Variants in IDNK observed in about 807,000 individuals in gnomAD.
IDNK encodes gluconokinase.
In IDNK, 9 loss-of-function variants were observed where a neutral mutation model predicts 13.0. The ratio of observed to expected loss-of-function variants is 0.69; its 90% CI spans 0.42 to 1.21. The LOEUF (loss-of-function observed/expected upper bound fraction) is 1.21, where lower values mean the gene tolerates loss of function less well. Among genes scored for constraint, IDNK ranks in the 50% most tolerant of loss-of-function variants. The pLI is 0.00. For missense variants in IDNK, 210 were observed against 237.8 expected (o/e 0.88, Z 0.77); for synonymous variants, 92 against 94.9 (o/e 0.97, Z 0.18).
At position 83,643,926 on chromosome 9, in the gene IDNK, T is replaced by C. The variant is rs184567193; in HGVS notation, c.*146T>C. On this transcript the variant is annotated 3_prime_UTR_variant, in exon 5 of 5. Transcript: ENST00000376419. ...GTGTCAAGACAGACTTGTTTAGGTG[T>C]AATTTTAGGAATTATGCTGGTTCAT... The C allele has an allele frequency of 2.7e-4, 161 of 593,766 alleles. No homozygotes were observed. In the African/African-American group the frequency reaches 2.8e-3, roughly 10 times the overall value. The allele number at this position is 593,766 out of a possible 1,614,324, so 36.8% of individuals were successfully genotyped here.
At chr9:83,628,852 C>T (rs768286629) in intron 2 of IDNK, 21 bp from the exon 3 acceptor site, 49 of 1,576,654 alleles carry the variant, frequency 3.1e-5, no homozygotes, top group Non-Finnish European at 4.0e-5. Flanking sequence ...CCACATACAC[C>T]CTTTCACTTT....
intron 3 of IDNK, among the ~76,000 whole-genome samples, chr9:83,632,141 A>G (rs928434305): frequency 1.3e-5 from 2 of 152,160 alleles, no homozygotes; most frequent in African/African-American, 4.8e-5. Context: ...GGAGGGGGTC[A>G]GTATATAACA....
chr9:83,630,129 C>CT (rs1202713990), intron 3 of IDNK, among the ~76,000 whole-genome samples: 1 of 152,182 alleles, frequency 6.6e-6, no homozygotes, highest in East Asian at 1.9e-4. Context: ...AGCTCACTGT[C>CT]TTTTTCTTTT....
chr9:83,628,149 C>A, intron 1 of IDNK, 32 bp from the exon 2 acceptor site: 2 of 1,550,436 alleles, frequency 1.3e-6, no homozygotes, highest in South Asian at 2.4e-5. Context: ...TTGGGCAGGG[C>A]AGTAACGGGA....
intron 4 of IDNK, 50 bp downstream of exon 4, chr9:83,641,641 A>C (rs1320065792): frequency 6.3e-7 from 1 of 1,582,776 alleles, no homozygotes; most frequent in Non-Finnish European, 8.7e-7. Flanking sequence ...AGGTAAAGAA[A>C]ACCCTCAGAA....
intron 1 of IDNK, among the ~76,000 whole-genome samples, chr9:83,627,853 CAAAAAAAAAAAAA>C (rs149062579): frequency 1.4e-5 from 1 of 73,954 alleles, no homozygotes; most frequent in African/African-American, 5.1e-5. Flanking sequence ...ATCCCCACCA[CAAAAAAAAAAAAA>C]AAAAAAAAAA....
chr9:83,626,800 G>T, intron 1 of IDNK: 1 of 1,152,018 alleles, frequency 8.7e-7, no homozygotes, highest in Non-Finnish European at 1.1e-6. Context: ...CTACTCATCC[G>T]TAGGCTGCAT....
At position 83,644,121 on chromosome 9, in the gene IDNK, G is replaced by T; in HGVS notation, c.*341G>T. 3.9e-6 allele frequency: 1 copy of T among 255,478 alleles called. No individual in the cohort carries two copies. Among genetic ancestry groups the T allele is most frequent in the South Asian group, 4.7e-5 (1 of 21,336 alleles). The allele number at this position is 255,478 out of a possible 1,614,324, so 15.8% of individuals were successfully genotyped here. ...TTGCACAAATAAATGAAACTTCGCT[G>T]TCCTTGGCATTCCCTGGAAATTGAT... On this transcript the variant is annotated 3_prime_UTR_variant, in exon 5 of 5. Transcript: ENST00000376419.
At chr9:83,641,615 A>C (rs775993123) in intron 4 of IDNK, 24 bp downstream of exon 4, 14 of 1,612,166 alleles carry the variant, frequency 8.7e-6, no homozygotes, top group Non-Finnish European at 1.2e-5. Context: ...AGGCCTTGGC[A>C]TAAGCCAAAG....
At chr9:83,628,346 T>C in intron 2 of IDNK, 135 bp downstream of exon 2, 1 of 776,810 alleles carries the variant, frequency 1.3e-6, no homozygotes, top group Non-Finnish European at 2.2e-6. Flanking sequence ...TTTGTTTTTC[T>C]CCTTGGTGAT....
At chr9:83,631,471 G>C (rs563820599) in intron 3 of IDNK, among the ~76,000 whole-genome samples, 1 of 24,540 alleles carries the variant, frequency 4.1e-5, no homozygotes. Context: ...AAAAAAAAAA[G>C]GCTGGTGGTG....
At chr9:83,627,162 T>C (rs1830877079) in intron 1 of IDNK, 1 of 152,240 alleles carries the variant, frequency 6.6e-6, no homozygotes, top group Admixed American at 6.5e-5. Flanking sequence ...TGAGGTGATA[T>C]GTAAAATTTA....
At chr9:83,637,851 T>C (rs549233725) in intron 3 of IDNK, among the ~76,000 whole-genome samples, 5 of 152,224 alleles carry the variant, frequency 3.3e-5, no homozygotes, top group African/African-American at 1.2e-4. Context: ...AAAGTCCTCA[T>C]ATAAGGGCTG....
At chr9:83,629,067 A>G (rs1830941523) in intron 3 of IDNK, 108 bp downstream of exon 3, 5 of 857,740 alleles carry the variant, frequency 5.8e-6, no homozygotes, top group Non-Finnish European at 7.9e-6. Flanking sequence ...GTCACTGTAC[A>G]GGGGCTACAA....
intron 1 of IDNK, among the ~76,000 whole-genome samples, chr9:83,623,959 A>C (rs940386615): frequency 1.3e-5 from 2 of 152,222 alleles, no homozygotes; most frequent in Non-Finnish European, 2.9e-5. Flanking sequence ...ACAGAACTTG[A>C]TCAGCTAAAA....
chr9:83,633,119 C>G (rs1831068138), intron 3 of IDNK, among the ~76,000 whole-genome samples: 1 of 152,108 alleles, frequency 6.6e-6, no homozygotes, highest in Non-Finnish European at 1.5e-5. Context: ...GCGGGCAGAT[C>G]ACAAGGTCAG....
At chr9:83,639,871 A>T (rs76860073) in intron 3 of IDNK, among the ~76,000 whole-genome samples, 402 of 152,340 alleles carry the variant, frequency 2.6e-3, no homozygotes, top group African/African-American at 9.4e-3. Context: ...ATAAAAAGTG[A>T]CTATCTTGTA....
chr9:83,643,767 T>A lies in IDNK; in HGVS notation c.551T>A (p.Leu184Gln). The change falls in exon 5 of 5, where the codon CTA (leucine) becomes CAA (glutamine). Residue 184 changes from leucine to glutamine, a missense_variant. Coordinates refer to ENST00000376419, the MANE Select transcript of IDNK (RefSeq NM_001001551.4). The stretch of plus-strand genomic sequence containing the variant: ...ATAATTGCTACAATTATGGAAACCC[T>A]AAAAATGAAATGACAATGATTTTGT... ...SEIIATIMETLKMK is the reference protein window; with the variant it reads ...SEIIATIMETQKMK 6.2e-7 allele frequency: 1 copy of A among 1,605,444 alleles called. No individual in the cohort carries two copies. Among genetic ancestry groups the A allele is most frequent in the Middle Eastern group, 1.7e-4 (1 of 5,964 alleles).
chr9:83,629,592 T>G (rs533440226), intron 3 of IDNK, among the ~76,000 whole-genome samples: 1 of 152,186 alleles, frequency 6.6e-6, no homozygotes, highest in African/African-American at 2.4e-5. Flanking sequence ...TGTTCCCTTC[T>G]TCCCTGAGCT....
Sources: allele counts gnomAD v4.1 joint callset (sites outside exome capture counted in the v4.1 genomes callset), GRCh38; gene constraint gnomAD v4.1.1; transcripts MANE v1.5; gene names NCBI Gene and HGNC (gene_info 2026-07-23, HGNC 2026-07-21).